Variants in ITFG1 observed in about 807,000 individuals in gnomAD.
The protein encoded by ITFG1 is integrin alpha FG-GAP repeat containing 1.
ITFG1 carries 34 observed loss-of-function variants against 81.8 expected under a neutral mutation model. That is an observed-to-expected ratio of 0.42 (90% CI 0.32 to 0.55). ITFG1 has a LOEUF of 0.55. Among genes scored for constraint, ITFG1 ranks in the 20% least tolerant of loss-of-function variants. The probability of loss-of-function intolerance (pLI) is 0.17; values close to 1 mark genes in which losing one functional copy is unlikely to be tolerated. For synonymous variants in ITFG1, 285 were observed against 270.6 expected (o/e 1.05, Z -0.52); for missense variants, 672 against 755.4 (o/e 0.89, Z 1.29).
At chr16:47,259,194 T>C (rs1327333335) in intron 11 of ITFG1, among the ~76,000 whole-genome samples, 1 of 152,220 alleles carries the variant, frequency 6.6e-6, no homozygotes, top group Non-Finnish European at 1.5e-5. Flanking sequence ...CTTTGATTCT[T>C]TTCATGAAGT....
At chr16:47,240,359 T>C (rs1209557618) in intron 12 of ITFG1, among the ~76,000 whole-genome samples, 3 of 150,668 alleles carry the variant, frequency 2.0e-5, no homozygotes, top group Non-Finnish European at 3.0e-5. Context: ...ATTGGTTACT[T>C]GGAAAAAAAT....
chr16:47,294,243 C>T (rs987626885), intron 10 of ITFG1, among the ~76,000 whole-genome samples: 2 of 152,110 alleles, frequency 1.3e-5, no homozygotes, highest in South Asian at 2.1e-4. Context: ...AATACCAGTA[C>T]TATGTTTTGG....
intron 8 of ITFG1, among the ~76,000 whole-genome samples, chr16:47,351,145 T>A (rs991861980): frequency 6.6e-6 from 1 of 152,196 alleles, no homozygotes; most frequent in African/African-American, 2.4e-5. Context: ...CTTTGAAAAC[T>A]GGCACAAGAC....
chr16:47,413,126 C>T (rs182265332), intron 6 of ITFG1, among the ~76,000 whole-genome samples: 1 of 152,312 alleles, frequency 6.6e-6, no homozygotes, highest in Admixed American at 6.5e-5. Context: ...GGTCAGGTCA[C>T]ATACAAAGGA....
intron 14 of ITFG1, among the ~76,000 whole-genome samples, chr16:47,187,713 C>G (rs74457809): frequency 2.6e-5 from 4 of 151,088 alleles, no homozygotes; most frequent in Admixed American, 1.3e-4. Context: ...CAAGCACTTC[C>G]TGTCTAAAAC....
intron 8 of ITFG1, among the ~76,000 whole-genome samples, chr16:47,359,191 T>G (rs1489778481): frequency 2.0e-5 from 3 of 152,192 alleles, no homozygotes; most frequent in Non-Finnish European, 2.9e-5. Context: ...GGACATGCGC[T>G]CCTTCATTTA....
intron 10 of ITFG1, among the ~76,000 whole-genome samples, chr16:47,293,904 A>G (rs1046725832): frequency 6.6e-6 from 1 of 151,852 alleles, no homozygotes; most frequent in Non-Finnish European, 1.5e-5. Flanking sequence ...GTCATTGTTG[A>G]TTATGCTTTT....
intron 5 of ITFG1, among the ~76,000 whole-genome samples, chr16:47,438,695 C>G (rs1969203580): frequency 6.6e-6 from 1 of 152,156 alleles, no homozygotes; most frequent in Non-Finnish European, 1.5e-5. Context: ...ACGTCACCAT[C>G]ATCAAAGACC....
intron 5 of ITFG1, among the ~76,000 whole-genome samples, chr16:47,437,865 G>A (rs2151612938): frequency 6.6e-6 from 1 of 152,350 alleles, no homozygotes; most frequent in East Asian, 1.9e-4. Flanking sequence ...CACCGTGTGT[G>A]AGCAAAAGCA....
At chr16:47,319,796 T>G (rs1303544369) in intron 8 of ITFG1, among the ~76,000 whole-genome samples, 1 of 152,228 alleles carries the variant, frequency 6.6e-6, no homozygotes, top group Non-Finnish European at 1.5e-5. Context: ...ATTGCTTTGC[T>G]TTGTCCTTGT....
chr16:47,439,217 C>G (rs918436734), intron 5 of ITFG1, among the ~76,000 whole-genome samples: 1 of 152,160 alleles, frequency 6.6e-6, no homozygotes, highest in Admixed American at 6.5e-5. Flanking sequence ...AACTGGTGTA[C>G]TTGAAAGTGA....
At chr16:47,331,633 A>T (rs1332328105) in intron 8 of ITFG1, among the ~76,000 whole-genome samples, 3 of 152,178 alleles carry the variant, frequency 2.0e-5, no homozygotes, top group African/African-American at 4.8e-5. Context: ...TACCTTTCAG[A>T]TCCTTTTATA....
At chr16:47,331,938 T>C (rs1299237951) in intron 8 of ITFG1, among the ~76,000 whole-genome samples, 1 of 152,142 alleles carries the variant, frequency 6.6e-6, no homozygotes. Flanking sequence ...AACAGCTAAA[T>C]ACATAATCTC....
At chr16:47,188,254 CATTACTGGGT>C (rs1163816239) in intron 14 of ITFG1, among the ~76,000 whole-genome samples, 1 of 152,076 alleles carries the variant, frequency 6.6e-6, no homozygotes, top group South Asian at 2.1e-4. Context: ...CCAGCCGTCC[CATTACTGGGT>C]ATATACCCAA....
At chr16:47,413,072 A>C (rs1968831540) in intron 6 of ITFG1, among the ~76,000 whole-genome samples, 1 of 152,180 alleles carries the variant, frequency 6.6e-6, no homozygotes, top group African/African-American at 2.4e-5. Flanking sequence ...TAGTTATCAG[A>C]ATCTCCAAGG....
chr16:47,326,511 T>C (rs1044134107), intron 8 of ITFG1, among the ~76,000 whole-genome samples: 3 of 152,096 alleles, frequency 2.0e-5, no homozygotes, highest in African/African-American at 7.2e-5. Context: ...GGGCATTCAA[T>C]TAGGAAAAGA....
At chr16:47,371,922 T>C (rs1179900715) in intron 7 of ITFG1, among the ~76,000 whole-genome samples, 1 of 151,900 alleles carries the variant, frequency 6.6e-6, no homozygotes, top group African/African-American at 2.4e-5. Flanking sequence ...TCTTTTTTTT[T>C]TTTTTTCCTG....
At chr16:47,310,837 T>C (rs1967246698) in intron 10 of ITFG1, among the ~76,000 whole-genome samples, 1 of 152,192 alleles carries the variant, frequency 6.6e-6, no homozygotes, top group Non-Finnish European at 1.5e-5. Context: ...GTCTGAGTAA[T>C]ATGACCAAAG....
chr16:47,370,670 G>A (rs1454957215), intron 7 of ITFG1, among the ~76,000 whole-genome samples: 2 of 152,172 alleles, frequency 1.3e-5, no homozygotes, highest in Non-Finnish European at 2.9e-5. Flanking sequence ...TTGGCGCCTG[G>A]GGCAGCTGCC....
Sources: gnomAD v4.1 joint callset for allele counts (sites outside exome capture counted in the v4.1 genomes callset) on GRCh38, gnomAD v4.1.1 for gene constraint, MANE v1.5 for transcripts, NCBI Gene and HGNC (gene_info 2026-07-23, HGNC 2026-07-21) for gene names.